Variants in PDE6A observed in about 807,000 individuals in gnomAD.
PDE6A encodes phosphodiesterase 6A, also known as rod cGMP-specific 3',5'-cyclic phosphodiesterase subunit alpha.
A neutral mutation model predicts 106.3 loss-of-function variants in PDE6A; 84 were observed. The observed-to-expected ratio is 0.79, with a 90% confidence interval of 0.66 to 0.95. The LOEUF is 0.95. Among genes scored for constraint, PDE6A ranks in the 40% least tolerant of loss-of-function variants. The probability of loss-of-function intolerance (pLI) is 0.00; values close to 1 mark genes in which losing one functional copy is unlikely to be tolerated. For synonymous variants in PDE6A, 394 were observed against 386.6 expected (o/e 1.02, Z -0.23); for missense variants, 1,052 against 1,084.9 (o/e 0.97, Z 0.43).
At chr5:149,865,887 C>G (rs1024312095) in intron 20 of PDE6A, among the ~76,000 whole-genome samples, 3 of 152,224 alleles carry the variant, frequency 2.0e-5, no homozygotes, top group Non-Finnish European at 4.4e-5. Context: ...CTTAGAAGGA[C>G]ATATGTCTAC....
intron 1 of PDE6A, among the ~76,000 whole-genome samples, chr5:149,939,464 C>T (rs1211470423): frequency 6.6e-6 from 1 of 152,188 alleles, no homozygotes; most frequent in Non-Finnish European, 1.5e-5. Context: ...CTGGATTCTT[C>T]TCCAAATTCC....
intron 4 of PDE6A, among the ~76,000 whole-genome samples, chr5:149,925,080 A>G (rs991493274): frequency 6.6e-6 from 1 of 152,214 alleles, no homozygotes; most frequent in Non-Finnish European, 1.5e-5. Context: ...ACTGCTTGCC[A>G]GAAGTAAAAC....
In PDE6A at chr5:149,944,398, G is replaced by T. The variant is rs1297407464; in HGVS notation, c.276C>A (p.Asp92Glu). ...MKKLCFLLQA[D>E]RMSLFMYRTR... ...TCCGGTACATGAACAGGCTCATGCG[G>T]TCTGCCTGCAGGAGGAAGCACAGCT... Residue 92 changes from aspartate to glutamate, a missense_variant, in exon 1 of 22, where the codon GAC (aspartate) becomes GAA (glutamate). Around this residue, in one of 3 missense-constraint regions of PDE6A, gnomAD observed 913 missense variants for 915.2 expected, o/e 1.00. Transcript: ENST00000255266. 6.2e-7 allele frequency: 1 copy of T among 1,614,174 alleles called. No individual in the cohort carries two copies.
intron 14 of PDE6A, among the ~76,000 whole-genome samples, chr5:149,885,390 A>G (rs1200498616): frequency 6.6e-6 from 1 of 152,240 alleles, no homozygotes; most frequent in Non-Finnish European, 1.5e-5. Flanking sequence ...ATCTGTAAGT[A>G]GGGATAACAT....
intron 13 of PDE6A, among the ~76,000 whole-genome samples, chr5:149,891,665 T>C (rs1296239764): frequency 1.3e-5 from 2 of 152,010 alleles, no homozygotes; most frequent in Non-Finnish European, 1.5e-5. Flanking sequence ...TAGCCCAGCA[T>C]GGCAGTGAGT....
At position 149,916,982 on chromosome 5, in the gene PDE6A, C is replaced by T. The variant is rs183278246; in HGVS notation, c.934-1975G>A. 2.5e-4 allele frequency among the ~76,000 whole-genome samples: 38 copies of T among 151,836 alleles called. 1 individual carries two copies. In the East Asian group the frequency reaches 7.4e-3, roughly 29 times the overall value. ...AGATAAAAACAGAAACTGAGAGTCA[C>T]TTAGGAAGTTTTGTAACAATTTGAC... is the stretch of plus-strand genomic sequence containing the variant. On this transcript the variant is annotated intron_variant, in intron 5 of 21. Coordinates refer to ENST00000255266, the MANE Select transcript of PDE6A (RefSeq NM_000440.3).
intron 13 of PDE6A, among the ~76,000 whole-genome samples, chr5:149,889,674 G>C (rs1236194636): frequency 6.6e-6 from 1 of 152,072 alleles, no homozygotes; most frequent in Non-Finnish European, 1.5e-5. Context: ...GGGAGGCTGA[G>C]GCAAGCGGAT....
At chr5:149,922,371 G>GA (rs1197502915) in intron 4 of PDE6A, among the ~76,000 whole-genome samples, 18 of 152,066 alleles carry the variant, frequency 1.2e-4, no homozygotes, top group African/African-American at 4.3e-4. Flanking sequence ...GAGTGCAGTG[G>GA]CTCCATCTCA....
chr5:149,927,801 T>G (rs1465325229), intron 4 of PDE6A, among the ~76,000 whole-genome samples: 1 of 151,992 alleles, frequency 6.6e-6, no homozygotes, highest in Non-Finnish European at 1.5e-5. Flanking sequence ...TTTATATCTT[T>G]ATCCTACAAG....
intron 10 of PDE6A, among the ~76,000 whole-genome samples, 177 bp from the exon 11 acceptor site, chr5:149,896,953 C>T (rs1752778314): frequency 6.6e-6 from 1 of 152,212 alleles, no homozygotes; most frequent in Non-Finnish European, 1.5e-5. Flanking sequence ...TAGAGACCTG[C>T]ATTCAAATTC....
chr5:149,868,497 A>C (rs1760417386), intron 17 of PDE6A, among the ~76,000 whole-genome samples: 1 of 152,372 alleles, frequency 6.6e-6, no homozygotes, highest in East Asian at 1.9e-4. Flanking sequence ...GTGTCTGAAC[A>C]TGGTATATGC....
At chr5:149,867,949 G>T in intron 18 of PDE6A, 146 bp downstream of exon 18, 1 of 1,085,630 alleles carries the variant, frequency 9.2e-7, no homozygotes, top group Non-Finnish European at 1.4e-6. Context: ...TCACTGGAGA[G>T]ACGTAAAATG....
At position 149,944,428 on chromosome 5, in the gene PDE6A, C is replaced by T. The variant is rs1754410879; in HGVS notation, c.246G>A (p.Met82Ile). Residue 82 changes from methionine to isoleucine, a missense_variant, in exon 1 of 22, where the codon ATG becomes ATA. Coordinates refer to ENST00000255266, the MANE Select transcript of PDE6A (RefSeq NM_000440.3). ...LQTEKCIFNV[M>I]KKLCFLLQAD... ...CCTGCAGGAGGAAGCACAGCTTCTT[C>T]ATGACATTGAAGATGCATTTCTCTG... The T allele has an allele frequency of 6.2e-7, 1 of 1,614,110 alleles. No homozygotes were observed. Among genetic ancestry groups the T allele is most frequent in the Non-Finnish European group, 8.5e-7 (1 of 1,180,016 alleles).
rs568353185 is a variant in PDE6A at position 149,869,108 on chromosome 5, T to A, written c.2136-950A>T. Among the ~76,000 whole-genome samples, 539 of 152,262 alleles carry A rather than the reference T, an allele frequency of 3.5e-3. 5 individuals carry two copies. The highest frequency in any genetic ancestry group is 4.5e-3 in the Non-Finnish European group (308 of 68,008). ...CCTTTGGGAGGCTGAGGTGGGCGGA[T>A]CACTTGCAGTCTGGAGTTCAAGACC... On this transcript the variant is annotated intron_variant, in intron 17 of 21. Coordinates refer to ENST00000255266, the MANE Select transcript of PDE6A (RefSeq NM_000440.3).
At chr5:149,886,496 A>G in intron 13 of PDE6A, 122 bp from the exon 14 acceptor site, 3 of 750,216 alleles carry the variant, frequency 4.0e-6, no homozygotes, top group Non-Finnish European at 7.0e-6. Flanking sequence ...TCTTGGCTGT[A>G]TCCTGGCTCC....
At position 149,884,568 on chromosome 5, in the gene PDE6A, G is replaced by C. The variant is rs780837675; in HGVS notation, c.1938C>G (p.Ile646Met). ...GCTGTCGACGATTGAGGTTTTGAAAGATATTCAGGCTCTAAAGAAAAAAAG... is the reference window on the plus strand; with the variant it reads ...GCTGTCGACGATTGAGGTTTTGAAACATATTCAGGCTCTAAAGAAAAAAAG... ...KTLLRDESLN[I>M]FQNLNRRQHE... Residue 646 changes from isoleucine to methionine, a missense_variant, in exon 16 of 22, where the codon ATC (isoleucine) becomes ATG (methionine). Around this residue, in one of 3 missense-constraint regions of PDE6A, gnomAD observed 913 missense variants for 915.2 expected, o/e 1.00. Coordinates refer to ENST00000255266, the MANE Select transcript of PDE6A (RefSeq NM_000440.3). The C allele has an allele frequency of 6.2e-7, 1 of 1,613,218 alleles. No individual in the cohort carries two copies. The highest frequency in any genetic ancestry group is 1.1e-5 in the South Asian group (1 of 91,070).
At position 149,898,465 on chromosome 5, in the gene PDE6A, G is replaced by A. The variant is rs781270297; in HGVS notation, c.1305C>T (p.Asp435=). ...CAAGTTTATTCATTGACTCATAGGTGTCAGGATTTAAGACAGACCAGCCCA... is the reference window on the plus strand; with the variant it reads ...CAAGTTTATTCATTGACTCATAGGTATCAGGATTTAAGACAGACCAGCCCA... ...QFLGWSVLNP[D]TYESMNKLEN... is the part of the protein sequence containing the mutation. The change falls in exon 10 of 22, where the codon GAC becomes GAT. Residue 435 remains aspartate (D), a synonymous_variant. Transcript: ENST00000255266. The A allele has an allele frequency of 6.2e-7, 1 of 1,613,570 alleles. No individual in the cohort carries two copies. The highest frequency in any genetic ancestry group is 8.5e-7 in the Non-Finnish European group (1 of 1,179,662).
At chr5:149,881,948 A>G (rs1435253070) in intron 17 of PDE6A, among the ~76,000 whole-genome samples, 1 of 151,432 alleles carries the variant, frequency 6.6e-6, no homozygotes, top group African/African-American at 2.4e-5. Flanking sequence ...ACTACTAAGG[A>G]GGCTGAGGTG....
intron 6 of PDE6A, among the ~76,000 whole-genome samples, chr5:149,913,546 C>T (rs1206841622): frequency 1.3e-5 from 2 of 152,140 alleles, no homozygotes; most frequent in East Asian, 1.9e-4. Context: ...GGGATTACTA[C>T]AGTTTGGTCT....
Sources: gnomAD v4.1 joint callset for allele counts (sites outside exome capture counted in the v4.1 genomes callset) on GRCh38, gnomAD v4.1.1 for gene constraint, gnomAD v4.1.1 regional missense constraint, MANE v1.5 for transcripts, NCBI Gene and HGNC (gene_info 2026-07-23, HGNC 2026-07-21) for gene names.